The following USPL1 variants were observed in gnomAD, a reference collection of about 807,000 sequenced individuals.
The protein encoded by USPL1 is SUMO-specific isopeptidase USPL1.
USPL1 carries 27 observed loss-of-function variants against 51.5 expected under a neutral mutation model. That is an observed-to-expected ratio of 0.52 (90% CI 0.39 to 0.72). The LOEUF (loss-of-function observed/expected upper bound fraction) is 0.72, where lower values mean the gene tolerates loss of function less well. Among genes scored for constraint, USPL1 ranks in the 30% least tolerant of loss-of-function variants. The probability of loss-of-function intolerance (pLI) is 0.00; values close to 1 mark genes in which losing one functional copy is unlikely to be tolerated. For missense variants in USPL1, 1,226 were observed against 1,268.0 expected, an observed-to-expected ratio of 0.97 and a Z score of 0.50; for synonymous variants, 451 against 459.6, an observed-to-expected ratio of 0.98 and a Z score of 0.24.
At position 30,658,733 on chromosome 13, in the gene USPL1, C is replaced by G. The variant is rs756817752; in HGVS notation, c.2656C>G (p.His886Asp). 4 of 1,614,186 alleles carry G rather than the reference C, an allele frequency of 2.5e-6. No individual in the cohort carries two copies. Among genetic ancestry groups the G allele is most frequent in the Non-Finnish European group, 3.4e-6 (4 of 1,180,046 alleles). ...NHEDLVEGQIHKLRLKLRKKL... is the reference protein window; with the variant it reads ...NHEDLVEGQIDKLRLKLRKKL... ...TGAAGACTTGGTGGAAGGTCAGATT[C>G]ATAAACTTCGTCTAAAACTTCGTAA... The change falls in exon 9 of 9, where the codon CAT becomes GAT. Residue 886 changes from histidine to aspartate, a missense_variant. Physicochemically the swap from His to Asp is moderately conservative, Grantham distance 81. Coordinates refer to ENST00000255304, the MANE Select transcript of USPL1 (RefSeq NM_005800.5).
rs1314959056 is a variant in USPL1, at chr13:30,659,039, A to G, written c.2962A>G (p.Asn988Asp). The G allele has an allele frequency of 6.2e-7, 1 of 1,614,190 alleles. No individual in the cohort carries two copies. Among genetic ancestry groups the G allele is most frequent in the East Asian group, 2.2e-5 (1 of 44,888 alleles). ...PTPVSTELSE[N>D]GEGDFRYLGM... ...ACCTGTTTCAACAGAGCTGTCAGAA[A>G]ATGGGGAAGGTGACTTTAGGTATTT... Residue 988 changes from asparagine (N) to aspartate (D), a missense_variant, in exon 9 of 9, where the codon AAT becomes GAT. Transcript: ENST00000255304.
Position 30,659,546 on chromosome 13 carries a change from G to A in USPL1, c.*190G>A. 2.0e-6 allele frequency: 1 copy of A among 504,344 alleles called. No homozygotes were observed. The highest frequency in any genetic ancestry group is 4.2e-5 in the South Asian group (1 of 23,666). The allele number at this position is 504,344 out of a possible 1,614,324, so 31.2% of individuals were successfully genotyped here. On this transcript the variant is annotated 3_prime_UTR_variant, in exon 9 of 9. Transcript: ENST00000255304. ...TTCTTACACATTAAAATCACTGAAT[G>A]TGTTCTCCTTTTTGGTTTCATTTTG... is the stretch of plus-strand genomic sequence containing the variant.
chr13:30,652,207 G>C (rs1221960308), intron 7 of USPL1, among the ~76,000 whole-genome samples: 1 of 152,190 alleles, frequency 6.6e-6, no homozygotes, highest in Non-Finnish European at 1.5e-5. Flanking sequence ...AAGTGGGAAA[G>C]TTTAGTGTTA....
Position 30,621,227 on chromosome 13 carries a change from G to A in USPL1, c.87G>A (p.Gly29=). Residue 29 remains glycine, a synonymous_variant, in exon 2 of 9, where the codon GGG becomes GGA. Coordinates refer to ENST00000255304, the MANE Select transcript of USPL1 (RefSeq NM_005800.5). ...GGATATCTTCACTCCACATGGTGGG[G>A]TATTTGGGAAAAGTTAGTGAACTTA... ...DIGISSLHMV[G]YLGKNFDSAK... is the part of the protein sequence containing the mutation. 6.3e-7 allele frequency: 1 copy of A among 1,587,744 alleles called. No homozygotes were observed. The highest frequency in any genetic ancestry group is 8.5e-7 in the Non-Finnish European group (1 of 1,170,890).
Position 30,659,185 on chromosome 13 carries a change from A to T in USPL1, c.3108A>T (p.Glu1036Asp). 6.2e-7 allele frequency: 1 copy of T among 1,614,180 alleles called. No homozygotes were observed. Among genetic ancestry groups the T allele is most frequent in the Non-Finnish European group, 8.5e-7 (1 of 1,180,034 alleles). Residue 1036 changes from glutamate (E) to aspartate (D), a missense_variant, in exon 9 of 9, where the codon GAA becomes GAT. Physicochemically the swap from Glu to Asp is conservative, Grantham distance 45. Transcript: ENST00000255304. ...GCCCCACCAAGAAAAATCCATGTGA[A>T]GTTCAGCCAGACTCTCTGACAAATA... Reference protein sequence around the residue: ...YCSPTKKNPCEVQPDSLTNNA... With the variant: ...YCSPTKKNPCDVQPDSLTNNA...
In USPL1 at chr13:30,621,804, C is replaced by T; in HGVS notation, c.140C>T (p.Pro47Leu). The change falls in exon 3 of 9, where the codon CCT becomes CTT. Residue 47 changes from proline (P) to leucine (L), a missense_variant. Pro to Leu is a moderately conservative substitution (Grantham distance 98). Transcript: ENST00000255304. Reference sequence around the variant, plus strand: ...AAAGTTCCATCAGATGAGTATTGCCCTGCTTGTAGAGAGAAGGGAAAGTTA... The same window carrying T: ...AAAGTTCCATCAGATGAGTATTGCCTTGCTTGTAGAGAGAAGGGAAAGTTA... Reference protein sequence around the residue: ...SAKVPSDEYCPACREKGKLKA... With the variant: ...SAKVPSDEYCLACREKGKLKA... 2 of 1,582,786 alleles carry T rather than the reference C, an allele frequency of 1.3e-6. No homozygotes were observed. Among genetic ancestry groups the T allele is most frequent in the East Asian group, 2.3e-5 (1 of 43,124 alleles).
intron 3 of USPL1, among the ~76,000 whole-genome samples, chr13:30,625,201 G>C (rs1950695782): frequency 1.3e-5 from 2 of 152,146 alleles, no homozygotes; most frequent in Non-Finnish European, 2.9e-5. Context: ...AAGCCAACAG[G>C]ATTTGCTGAA....
At chr13:30,645,467 C>G (rs2137685299) in intron 6 of USPL1, among the ~76,000 whole-genome samples, 1 of 152,230 alleles carries the variant, frequency 6.6e-6, no homozygotes, top group Non-Finnish European at 1.5e-5. Flanking sequence ...TGTGAGAGCT[C>G]AAGGGAGGGA....
At chr13:30,656,005 A>G (rs1284881173) in intron 8 of USPL1, among the ~76,000 whole-genome samples, 1 of 152,136 alleles carries the variant, frequency 6.6e-6, no homozygotes, top group Non-Finnish European at 1.5e-5. Flanking sequence ...GATTGTTTTG[A>G]TAAGTTTCTA....
intron 7 of USPL1, 85 bp downstream of exon 7, chr13:30,647,142 C>T: frequency 7.2e-7 from 1 of 1,380,178 alleles, no homozygotes; most frequent in East Asian, 2.4e-5. Flanking sequence ...AAAATGGTGA[C>T]AACAACTTAC....
intron 4 of USPL1, among the ~76,000 whole-genome samples, chr13:30,632,204 G>A (rs1950816525): frequency 6.6e-6 from 1 of 151,914 alleles, no homozygotes; most frequent in Admixed American, 6.6e-5. Flanking sequence ...TTATGAGTGA[G>A]AATATATGGT....
At chr13:30,647,119 AT>A in intron 7 of USPL1, 62 bp downstream of exon 7, 1 of 1,511,766 alleles carries the variant, frequency 6.6e-7, no homozygotes, top group South Asian at 1.2e-5. Context: ...ATTTTTCTTA[AT>A]GTGTAGGATT....
intron 8 of USPL1, among the ~76,000 whole-genome samples, chr13:30,656,049 A>C (rs1324293063): frequency 1.3e-5 from 2 of 152,242 alleles, no homozygotes; most frequent in Non-Finnish European, 2.9e-5. Flanking sequence ...TTATTTATTA[A>C]GAAAGGTTGT....
Position 30,659,075 on chromosome 13 carries a change from G to A in USPL1, c.2998G>A (p.Asp1000Asn). ...TGACTTTAGGTATTTGGGAATGGGA[G>A]ATAGTCATATCCCACCACCAGTACC... ...EGDFRYLGMG[D>N]SHIPPPVPSE... Residue 1000 changes from aspartate to asparagine, a missense_variant, in exon 9 of 9, where the codon GAT becomes AAT. Asp to Asn is a conservative substitution (Grantham distance 23, BLOSUM62 1). Transcript: ENST00000255304. 1 of 1,614,174 alleles carries A rather than the reference G, an allele frequency of 6.2e-7. No homozygotes were observed. The highest frequency in any genetic ancestry group is 1.3e-5 in the African/African-American group (1 of 75,042).
rs201795359 is a variant in USPL1 at position 30,659,310 on chromosome 13, C to T, written c.3233C>T (p.Thr1078Ile). ...GCATTAAATGCTTTAGCAAATGACA[C>T]ATTAGACCTACCTCATTTCGATGAA... ...SSALNALAND[T>I]LDLPHFDEYL... Residue 1078 changes from threonine (T) to isoleucine (I), a missense_variant, in exon 9 of 9, where the codon ACA becomes ATA. Thr to Ile is a moderately conservative substitution (Grantham distance 89). Coordinates refer to ENST00000255304, the MANE Select transcript of USPL1 (RefSeq NM_005800.5). The T allele has an allele frequency of 1.2e-6, 2 of 1,610,008 alleles. No homozygotes were observed. Among genetic ancestry groups the T allele is most frequent in the African/African-American group, 2.7e-5 (2 of 74,860 alleles).
At position 30,621,855 on chromosome 13, in the gene USPL1, G is replaced by A. The variant is rs768190622; in HGVS notation, c.191G>A (p.Ser64Asn). ...KLKALKTYRI[S>N]FQESIFLCED... ...AAAGCCTTAAAGACTTACCGAATTA[G>A]TTTTCAAGAATCTATCTTTTTGTGT... Residue 64 changes from serine to asparagine, a missense_variant, in exon 3 of 9, where the codon AGT becomes AAT. Coordinates refer to ENST00000255304, the MANE Select transcript of USPL1 (RefSeq NM_005800.5). The A allele has an allele frequency of 6.3e-7, 1 of 1,579,312 alleles. No individual in the cohort carries two copies. The highest frequency in any genetic ancestry group is 8.6e-7 in the Non-Finnish European group (1 of 1,164,458).
intron 8 of USPL1, among the ~76,000 whole-genome samples, chr13:30,654,775 A>G (rs1951138382): frequency 1.3e-5 from 2 of 152,068 alleles, no homozygotes; most frequent in Non-Finnish European, 2.9e-5. Flanking sequence ...CAGAGAATTC[A>G]TATGTCTGTT....
intron 7 of USPL1, among the ~76,000 whole-genome samples, chr13:30,648,755 C>T (rs988747886): frequency 1.7e-4 from 26 of 151,964 alleles, no homozygotes; most frequent in African/African-American, 5.8e-4. Context: ...TGTAGGAGGG[C>T]GAAGTGGGAA....
intron 3 of USPL1, among the ~76,000 whole-genome samples, chr13:30,622,107 C>T (rs1340673132): frequency 2.0e-5 from 3 of 151,692 alleles, no homozygotes; most frequent in African/African-American, 7.3e-5. Context: ...ATTTGATTTG[C>T]GAGAGGAGAA....
Sources: allele counts gnomAD v4.1 joint callset (sites outside exome capture counted in the v4.1 genomes callset), GRCh38; gene constraint gnomAD v4.1.1; transcripts MANE v1.5; gene names NCBI Gene and HGNC (gene_info 2026-07-23, HGNC 2026-07-21).